The following SLC19A1 variants were observed in gnomAD, a reference collection of about 807,000 sequenced individuals.
SLC19A1 encodes reduced folate transporter.
Under a neutral mutation model 35.3 loss-of-function variants are expected in SLC19A1, and 37 were observed. The observed-to-expected ratio is 1.05, with a 90% CI of 0.81 to 1.38. The LOEUF (loss-of-function observed/expected upper bound fraction) is 1.38, where lower values mean the gene tolerates loss of function less well. Ranked by LOEUF, SLC19A1 falls within the 40% of genes most tolerant of loss-of-function variation. The pLI is 0.00. For missense variants in SLC19A1, 831 were observed against 826.9 expected (o/e 1.00, Z -0.06); for synonymous variants, 460 against 398.5 (o/e 1.15, Z -1.84).
intron 4 of SLC19A1, 51 bp from the exon 5 acceptor site, chr21:45,526,009 G>T (rs1335758190): frequency 6.3e-7 from 1 of 1,591,838 alleles, no homozygotes. Flanking sequence ...ATAAGCAGCA[G>T]CCACAGGGAA....
In SLC19A1 at chr21:45,531,787, G is replaced by C; in HGVS notation, c.551C>G (p.Thr184Arg). The C allele has an allele frequency of 6.2e-7, 1 of 1,602,066 alleles. No homozygotes were observed. Among genetic ancestry groups the C allele is most frequent in the Non-Finnish European group, 8.5e-7 (1 of 1,174,580 alleles). The change falls in exon 3 of 6, where the codon ACG becomes AGG. Residue 184 changes from threonine (T) to arginine (R), a missense_variant. Physicochemically the swap from Thr to Arg is moderately conservative, Grantham distance 71 (BLOSUM62 -1). Transcript: ENST00000311124. The stretch of plus-strand genomic sequence containing the variant: ...GAAGGCCAGCGAGATGTAGTTGAGC[G>C]TGGAGAAGGAGACTCGGCCCACAGT... ...LVTVGRVSFS[T>R]LNYISLAFLT...
At chr21:45,557,771 C>A (rs576324647) in intron 1 of SLC19A1, among the ~76,000 whole-genome samples, 1 of 152,194 alleles carries the variant, frequency 6.6e-6, no homozygotes, top group East Asian at 1.9e-4. Context: ...AGGAGCTTGT[C>A]CCGGCTCAGG....
chr21:45,510,973 ACACCCCCCAC>A, downstream of SLC19A1: 12 of 14,916 alleles, frequency 8.0e-4, 5 homozygotes, highest in Admixed American at 2.8e-3. Flanking sequence ...ACACCCCCAA[ACACCCCCCAC>A]ACCCCACACA....
At position 45,515,790 on chromosome 21, in the gene SLC19A1, C is replaced by G; in HGVS notation, c.1644G>C (p.Leu548=). The G allele has an allele frequency of 6.2e-7, 1 of 1,613,490 alleles. No individual in the cohort carries two copies. The highest frequency in any genetic ancestry group is 8.5e-7 in the Non-Finnish European group (1 of 1,179,808). Residue 548 remains leucine (L), a synonymous_variant, in exon 6 of 6, where the codon CTG becomes CTC. Transcript: ENST00000311124. The stretch of plus-strand genomic sequence containing the variant: ...CAGGGCCTGAGGCTTGGGCGGAGCA[C>G]AGAGTGCAGGGGGAAGGGGTTGTCA... ...SPVTTPSPCT[L]CSAQASGPEA...
chr21:45,543,467 G>A (rs2078371666), upstream of SLC19A1, among the ~76,000 whole-genome samples: 1 of 152,242 alleles, frequency 6.6e-6, no homozygotes, highest in South Asian at 2.1e-4. Context: ...GTCTGGGGCA[G>A]CAGCCCCTGG....
chr21:45,504,061 G>T lies in SLC19A1; in HGVS notation c.498-5449C>A, dbSNP rs746481466. ...GTTGGAGGCTGAAATGAAGGTGGGT[G>T]ACCTCCCTGTGGGGTTGGGGGCCCC... On this transcript the variant is annotated intron_variant, in intron 3 of 4. Transcript: ENST00000417954. 7 of 1,613,460 alleles carry T rather than the reference G, an allele frequency of 4.3e-6. No homozygotes were observed. In the African/African-American group the frequency reaches 9.3e-5, roughly 22 times the overall value.
chr21:45,536,882 G>A (rs533882723), intron 2 of SLC19A1, among the ~76,000 whole-genome samples: 1 of 152,244 alleles, frequency 6.6e-6, no homozygotes, highest in East Asian at 1.9e-4. Context: ...GGCTCTTCCT[G>A]TGCAGATGTG....
upstream of SLC19A1, among the ~76,000 whole-genome samples, chr21:45,543,003 G>T (rs951946195): frequency 1.3e-5 from 2 of 151,992 alleles, no homozygotes; most frequent in Non-Finnish European, 2.9e-5. Flanking sequence ...CCCCGAACTC[G>T]GCGCCCCCGG....
At chr21:45,503,693 G>C (rs543057184) in intron 3 of SLC19A1, among the ~76,000 whole-genome samples, 8 of 150,688 alleles carry the variant, frequency 5.3e-5, no homozygotes, top group Non-Finnish European at 8.8e-5. Flanking sequence ...GCTAGATGAC[G>C]AGTTAGTGGG....
chr21:45,509,735 C>T, downstream of SLC19A1: 1 of 712,586 alleles, frequency 1.4e-6, no homozygotes, highest in Non-Finnish European at 2.5e-6. Flanking sequence ...GGCTCAGGGC[C>T]ACTCAGGGCG....
chr21:45,502,811 G>A (rs908531590), intron 3 of SLC19A1: 2 of 152,236 alleles, frequency 1.3e-5, no homozygotes, highest in African/African-American at 4.8e-5. Context: ...GAGATGGGAA[G>A]GGCAGGACGC....
chr21:45,510,574 A>C (rs568640464), downstream of SLC19A1, among the ~76,000 whole-genome samples: 3 of 151,856 alleles, frequency 2.0e-5, no homozygotes, highest in South Asian at 6.3e-4. Flanking sequence ...GTGTCCACAC[A>C]GGTGATAGGG....
At chr21:45,541,811 C>T (rs993979627) in intron 1 of SLC19A1, 2 of 152,244 alleles carry the variant, frequency 1.3e-5, no homozygotes, top group Non-Finnish European at 2.9e-5. Context: ...CGAAGCAACA[C>T]GTGCCTGGGC....
Position 45,530,015 on chromosome 21 carries a change from A to G in SLC19A1, c.1151+755T>C, listed in dbSNP as rs1017129956. Among the ~76,000 whole-genome samples the G allele has an allele frequency of 1.0e-3, 139 of 138,296 alleles. 4 individuals carry two copies. The highest frequency in any genetic ancestry group is 8.5e-4 in the Non-Finnish European group (55 of 64,636). The allele number at this position is 138,296 out of a possible 152,430, so 90.7% of individuals were successfully genotyped here. ...GTGTCCGTGTGTGTGGTGTGTGTCCATGTGTAAGTATGTGATGCATTCATG... is the reference window on the plus strand; with the variant it reads ...GTGTCCGTGTGTGTGGTGTGTGTCCGTGTGTAAGTATGTGATGCATTCATG... On this transcript the variant is annotated intron_variant, in intron 4 of 5. Transcript: ENST00000311124. The surrounding 1 kb of genome is among the most constrained non-coding windows in gnomAD (Gnocchi z 5.3).
At position 45,540,600 on chromosome 21, in the gene SLC19A1, C is replaced by T. The variant is rs1488315064; in HGVS notation, c.-50+1768G>A. 6.6e-6 allele frequency among the ~76,000 whole-genome samples: 1 copy of T among 152,192 alleles called. No individual in the cohort carries two copies. Among genetic ancestry groups the T allele is most frequent in the African/African-American group, 2.4e-5 (1 of 41,462 alleles). On this transcript the variant is annotated intron_variant, in intron 1 of 5. Transcript: ENST00000311124. This position sits in a 1 kb window ranked among gnomAD's most constrained non-coding sequence, Gnocchi z 5.5. The stretch of plus-strand genomic sequence containing the variant: ...ACGTAGCCCACTGACAGAGGCTTGG[C>T]CATCACGGCCCAGACCACCTCCAAG...
downstream of SLC19A1, chr21:45,510,967 C>T (rs1306551722): frequency 2.5e-5 from 1 of 40,392 alleles, no homozygotes; most frequent in South Asian, 2.1e-4. Flanking sequence ...CCACATACAC[C>T]CCCAAACACC....
At chr21:45,538,708 G>A (rs1373394275) in intron 1 of SLC19A1, among the ~76,000 whole-genome samples, 3 of 152,054 alleles carry the variant, frequency 2.0e-5, no homozygotes, top group Admixed American at 1.3e-4. Flanking sequence ...GGATGGAGCC[G>A]AGGCCCAGCC....
intron 1 of SLC19A1, among the ~76,000 whole-genome samples, chr21:45,553,690 CCCCACGCCCCA>C (rs1374620888): frequency 1.5e-4 from 2 of 13,190 alleles, no homozygotes; most frequent in Admixed American, 7.1e-4. Context: ...CATCCCAGTC[CCCCACGCCCCA>C]TCCCAGTCCC....
At chr21:45,551,486 G>A (rs2078466024) in intron 1 of SLC19A1, among the ~76,000 whole-genome samples, 1 of 152,178 alleles carries the variant, frequency 6.6e-6, no homozygotes, top group Non-Finnish European at 1.5e-5. Flanking sequence ...CACTACACTT[G>A]TTGCTGTCAG....
Sources: allele counts gnomAD v4.1 joint callset (sites outside exome capture counted in the v4.1 genomes callset), GRCh38; gene constraint gnomAD v4.1.1; non-coding constraint Gnocchi (gnomAD v3.1); transcripts MANE v1.5; gene names NCBI Gene and HGNC (gene_info 2026-07-23, HGNC 2026-07-21).